TEX14: variants seen among roughly 807,000 people sequenced by gnomAD.
TEX14 encodes the protein testis expressed 14, intercellular bridge forming factor, also known as inactive serine/threonine-protein kinase TEX14.
In TEX14, 168 loss-of-function variants were observed where a neutral mutation model predicts 178.6. The observed-to-expected ratio is 0.94, with a 90% CI of 0.83 to 1.07. The LOEUF (loss-of-function observed/expected upper bound fraction) is 1.07, where lower values mean the gene tolerates loss of function less well. Ranked by LOEUF, TEX14 falls within the 50% of genes least tolerant of loss-of-function variation. The pLI is 0.00. For synonymous variants in TEX14, 626 were observed against 634.1 expected, an observed-to-expected ratio of 0.99 and a Z score of 0.19; for missense variants, 1,730 against 1,753.6, an observed-to-expected ratio of 0.99 and a Z score of 0.24.
At chr17:58,600,815 A>G (rs2045416558) in intron 13 of TEX14, among the ~76,000 whole-genome samples, 2 of 152,188 alleles carry the variant, frequency 1.3e-5, no homozygotes, top group South Asian at 2.1e-4. Context: ...TTCCAGTTCT[A>G]TAACAAGTTC....
intron 2 of TEX14, among the ~76,000 whole-genome samples, chr17:58,648,713 G>A (rs1489288917): frequency 1.3e-5 from 2 of 152,046 alleles, no homozygotes; most frequent in Non-Finnish European, 2.9e-5. Flanking sequence ...TTTGCCTGAA[G>A]GGCCTCTTGT....
chr17:58,591,716 AAAAAAAAAAC>A (rs916081365), intron 15 of TEX14, among the ~76,000 whole-genome samples: 1 of 151,498 alleles, frequency 6.6e-6, no homozygotes, highest in Admixed American at 6.6e-5. Context: ...TCCACAGGAA[AAAAAAAAAAC>A]AAAAAAAAAC....
intron 1 of TEX14, among the ~76,000 whole-genome samples, chr17:58,653,827 A>G (rs894270529): frequency 6.6e-6 from 1 of 152,180 alleles, no homozygotes; most frequent in Non-Finnish European, 1.5e-5. Flanking sequence ...AGCCAGAACA[A>G]TCTGGTTCCA....
intron 2 of TEX14, among the ~76,000 whole-genome samples, chr17:58,643,315 G>A (rs1315866905): frequency 6.6e-6 from 1 of 152,148 alleles, no homozygotes; most frequent in Non-Finnish European, 1.5e-5. Context: ...TCACTCCTCT[G>A]AGCTTCTGGC....
At chr17:58,560,787 G>A (rs189204966) in intron 29 of TEX14, among the ~76,000 whole-genome samples, 21 of 152,262 alleles carry the variant, frequency 1.4e-4, no homozygotes, top group Non-Finnish European at 2.5e-4. Flanking sequence ...ACCCAGAATG[G>A]AGCCCCACAT....
intron 1 of TEX14, among the ~76,000 whole-genome samples, chr17:58,689,074 G>T (rs1203112639): frequency 1.3e-5 from 2 of 151,846 alleles, no homozygotes; most frequent in African/African-American, 4.8e-5. Context: ...GGGACTACAG[G>T]TGCCTGCCAC....
intron 10 of TEX14, among the ~76,000 whole-genome samples, chr17:58,607,891 G>A (rs1327394091): frequency 6.6e-6 from 1 of 152,226 alleles, no homozygotes; most frequent in Admixed American, 6.5e-5. Context: ...ACTTTGGGAG[G>A]CCAAGGCAGG....
At chr17:58,631,455 A>G (rs1184723433) in intron 2 of TEX14, among the ~76,000 whole-genome samples, 1 of 152,152 alleles carries the variant, frequency 6.6e-6, no homozygotes, top group African/African-American at 2.4e-5. Context: ...GCTCAAAAAT[A>G]AAAATGCACA....
intron 1 of TEX14, among the ~76,000 whole-genome samples, chr17:58,673,074 C>A (rs912562894): frequency 6.6e-6 from 1 of 151,882 alleles, no homozygotes; most frequent in East Asian, 1.9e-4. Flanking sequence ...AAATTTCTTA[C>A]AATTGAGTGG....
At position 58,615,350 on chromosome 17, in the gene TEX14, A is replaced by G. The variant is rs1270229322; in HGVS notation, c.768-5T>C. 1 of 1,556,892 alleles carries G rather than the reference A, an allele frequency of 6.4e-7. No individual in the cohort carries two copies. Among genetic ancestry groups the G allele is most frequent in the African/African-American group, 1.4e-5 (1 of 73,942 alleles). ...CTGCTCCCATTCCACACTAGGCTACAAGGACAGGAAAGAGTTTCAGCAGAA... is the reference window on the plus strand; with the variant it reads ...CTGCTCCCATTCCACACTAGGCTACGAGGACAGGAAAGAGTTTCAGCAGAA... On this transcript the variant is annotated splice_polypyrimidine_tract_variant and splice_region_variant and intron_variant, in intron 7 of 31. Transcript: ENST00000349033.
chr17:58,621,557 A>G, intron 5 of TEX14, 93 bp downstream of exon 5: 1 of 1,329,638 alleles, frequency 7.5e-7, no homozygotes, highest in Non-Finnish European at 1.0e-6. Context: ...GAGGGCACTG[A>G]TGTGGAGGAG....
intron 2 of TEX14, chr17:58,631,711 C>T (rs1274735732): frequency 1.3e-5 from 2 of 150,686 alleles, no homozygotes; most frequent in South Asian, 2.1e-4. Flanking sequence ...AACGCAACAC[C>T]AAACACTGCT....
Position 58,577,404 on chromosome 17 carries a change from CA to C in TEX14, c.3290del (p.Leu1097CysfsTer27). 1 of 1,512,516 alleles carries C rather than the reference CA, an allele frequency of 6.6e-7. No individual in the cohort carries two copies. Among genetic ancestry groups the C allele is most frequent in the Non-Finnish European group, 8.9e-7 (1 of 1,126,190 alleles). 93.7% of individuals were successfully genotyped at this position (1,512,516 alleles called of 1,614,324 possible). A position where few individuals can be genotyped will look rare whatever the true frequency, so the allele number is the denominator to read the frequency against. ...RKILGKNAEILPRSQFQPVRS... is the reference protein window; with the variant it reads ...RKILGKNAEIXPRSQFQPVRS... ...GTACAGGTTGAAATTGAGACCTGGG[CA>C]AAATCTCAGCATTCTTTCCAAGAAT... On this transcript the variant is annotated frameshift_variant, in exon 21 of 32. Coordinates refer to ENST00000349033, the MANE Select transcript of TEX14 (RefSeq NM_031272.5). LOFTEE classifies it high-confidence loss of function.
At chr17:58,687,457 G>A (rs975461200) in intron 1 of TEX14, among the ~76,000 whole-genome samples, 3 of 151,978 alleles carry the variant, frequency 2.0e-5, no homozygotes, top group Non-Finnish European at 4.4e-5. Context: ...ACAGAGTGGT[G>A]CCCTGATCAG....
chr17:58,634,014 A>T (rs975284394), intron 2 of TEX14, among the ~76,000 whole-genome samples: 1 of 151,804 alleles, frequency 6.6e-6, no homozygotes, highest in Non-Finnish European at 1.5e-5. Flanking sequence ...AAAAGTAGGC[A>T]GAGATTAGAG....
chr17:58,648,132 C>T (rs1487654238), intron 2 of TEX14: 9 of 152,210 alleles, frequency 5.9e-5, no homozygotes, highest in Admixed American at 5.9e-4. Flanking sequence ...GGGGGAGAAC[C>T]AATAAGACAA....
chr17:58,658,958 G>A (rs1287514118), intron 1 of TEX14, among the ~76,000 whole-genome samples: 2 of 151,594 alleles, frequency 1.3e-5, no homozygotes, highest in Non-Finnish European at 2.9e-5. Flanking sequence ...ACATCAGTCT[G>A]GCTTATTTTT....
rs761287596 is a variant in TEX14 at position 58,571,930 on chromosome 17, C to A, written c.3708G>T (p.Leu1236=). The A allele has an allele frequency of 2.5e-6, 4 of 1,613,454 alleles. No homozygotes were observed. The highest frequency in any genetic ancestry group is 3.3e-5 in the Admixed American group (2 of 60,028). The change falls in exon 24 of 32, where the codon CTG becomes CTT. Residue 1236 remains leucine (L), a synonymous_variant. Transcript: ENST00000349033. ...LTSSETPPSR[L]TGLKRLSSFI... is the part of the protein sequence containing the mutation. ...GAATTGATATACTTACAAGACCAGT[C>A]AGTCTTGAAGGGGGAGTTTCAGAGG...
intron 2 of TEX14, among the ~76,000 whole-genome samples, chr17:58,646,906 CTCTTTTT>C (rs1190924948): frequency 6.6e-6 from 1 of 151,078 alleles, no homozygotes; most frequent in East Asian, 1.9e-4. Context: ...CTCAAGCACA[CTCTTTTT>C]TTTTTTTTTT....
Sources: gnomAD v4.1 joint callset for allele counts (sites outside exome capture counted in the v4.1 genomes callset) on GRCh38, gnomAD v4.1.1 for gene constraint, MANE v1.5 for transcripts, NCBI Gene and HGNC (gene_info 2026-07-23, HGNC 2026-07-21) for gene names.